The following CSNK1G1 variants were observed in gnomAD, a reference collection of about 807,000 sequenced individuals.
CSNK1G1 encodes casein kinase 1 gamma 1, also known as casein kinase I isoform gamma-1.
Under a neutral mutation model 59.6 loss-of-function variants are expected in CSNK1G1, and 22 were observed. That is an observed-to-expected ratio of 0.37 (90% CI 0.26 to 0.53). CSNK1G1 has a LOEUF of 0.53. Ranked by LOEUF, CSNK1G1 falls within the 20% of genes least tolerant of loss-of-function variation. The pLI is 0.89. For synonymous variants in CSNK1G1, 179 were observed against 177.1 expected, an observed-to-expected ratio of 1.01 and a Z score of -0.08; for missense variants, 384 against 519.5, an observed-to-expected ratio of 0.74 and a Z score of 2.54.
rs746407650 is a variant in CSNK1G1 at position 64,180,411 on chromosome 15, G to A, written c.1151C>T (p.Thr384Met). The change falls in exon 11 of 12, where the codon ACG (threonine) becomes ATG (methionine). Residue 384 changes from threonine to methionine, a missense_variant. Physicochemically the swap from Thr to Met is moderately conservative, Grantham distance 81. Transcript: ENST00000303052. ...GATTGGTGCATTGGAGTGGGCTCCC[G>A]TGGGATCATCAACATTCAGCTCTCC... is the stretch of plus-strand genomic sequence containing the variant. ...TNGELNVDDPTGAHSNAPITA... is the reference protein window; with the variant it reads ...TNGELNVDDPMGAHSNAPITA... 21 of 1,613,986 alleles carry A rather than the reference G, an allele frequency of 1.3e-5. No homozygotes were observed. The highest frequency in any genetic ancestry group is 1.6e-4 in the Middle Eastern group (1 of 6,084).
chr15:64,294,018 A>G (rs1333121051), intron 2 of CSNK1G1, among the ~76,000 whole-genome samples: 3 of 152,224 alleles, frequency 2.0e-5, no homozygotes, highest in Admixed American at 6.5e-5. Flanking sequence ...AATATTTAAA[A>G]TTGATGAGAT....
In CSNK1G1 at chr15:64,272,937, C is replaced by G. The variant is rs562781109; in HGVS notation, c.182-13696G>C. Among the ~76,000 whole-genome samples, 5 of 152,242 alleles carry G rather than the reference C, an allele frequency of 3.3e-5. No individual in the cohort carries two copies. In the East Asian group the frequency reaches 7.7e-4, roughly 24 times the overall value. Reference sequence around the variant, plus strand: ...CAGGCTGGTCTCAAACTCCTGTGCTCAAGAGATCCACCCACCTCGGCTTCC... The same window carrying G: ...CAGGCTGGTCTCAAACTCCTGTGCTGAAGAGATCCACCCACCTCGGCTTCC... On this transcript the variant is annotated intron_variant, in intron 2 of 11. Coordinates refer to ENST00000303052, the MANE Select transcript of CSNK1G1 (RefSeq NM_022048.5).
intron 1 of CSNK1G1, among the ~76,000 whole-genome samples, chr15:64,313,456 T>C (rs1465225692): frequency 5.3e-5 from 8 of 152,156 alleles, no homozygotes; most frequent in African/African-American, 1.9e-4. Flanking sequence ...TGCAGGGACA[T>C]GGATGAAGCT....
chr15:64,320,477 A>C (rs930036258), intron 1 of CSNK1G1, among the ~76,000 whole-genome samples: 1 of 151,936 alleles, frequency 6.6e-6, no homozygotes, highest in African/African-American at 2.4e-5. Flanking sequence ...TCAGGAGTTC[A>C]AGACCAGCCT....
At chr15:64,347,272 G>A (rs1473007962) in intron 1 of CSNK1G1, among the ~76,000 whole-genome samples, 1 of 152,134 alleles carries the variant, frequency 6.6e-6, no homozygotes, top group African/African-American at 2.4e-5. Flanking sequence ...CTTATCATAA[G>A]ATCCAGCAAT....
At chr15:64,183,847 T>C (rs1286647078) in intron 10 of CSNK1G1, among the ~76,000 whole-genome samples, 2 of 151,754 alleles carry the variant, frequency 1.3e-5, no homozygotes, top group Non-Finnish European at 2.9e-5. Flanking sequence ...GCGATTCTCC[T>C]GCCTCAGCCT....
At chr15:64,322,361 T>C (rs1432626167) in intron 1 of CSNK1G1, among the ~76,000 whole-genome samples, 1 of 151,998 alleles carries the variant, frequency 6.6e-6, no homozygotes, top group Non-Finnish European at 1.5e-5. Context: ...CTTTTTTTTT[T>C]AAATACAGAC....
At chr15:64,348,895 G>A (rs1898121156) in intron 1 of CSNK1G1, among the ~76,000 whole-genome samples, 1 of 152,116 alleles carries the variant, frequency 6.6e-6, no homozygotes. Context: ...ACTTTGGGAG[G>A]CTGAGGAGGG....
At chr15:64,277,620 AT>A (rs962017212) in intron 2 of CSNK1G1, among the ~76,000 whole-genome samples, 1 of 137,772 alleles carries the variant, frequency 7.3e-6, no homozygotes, top group Admixed American at 7.4e-5. Context: ...ATATTGGTAT[AT>A]TTAATATATT....
At chr15:64,211,543 T>G (rs2082249378) in intron 6 of CSNK1G1, among the ~76,000 whole-genome samples, 1 of 152,172 alleles carries the variant, frequency 6.6e-6, no homozygotes, top group Admixed American at 6.6e-5. Context: ...AACAGACTGA[T>G]GCACAGTAGA....
intron 2 of CSNK1G1, among the ~76,000 whole-genome samples, chr15:64,279,477 C>T (rs954304688): frequency 3.3e-5 from 5 of 152,064 alleles, no homozygotes; most frequent in Non-Finnish European, 7.4e-5. Context: ...TTTTTCATTA[C>T]TAGATGGTAT....
At chr15:64,337,509 T>G (rs555134850) in intron 1 of CSNK1G1, among the ~76,000 whole-genome samples, 6 of 152,160 alleles carry the variant, frequency 3.9e-5, no homozygotes, top group African/African-American at 1.4e-4. Context: ...CATGCCTATT[T>G]TATTTTTTGT....
chr15:64,221,599 A>G (rs1039819375), intron 4 of CSNK1G1, among the ~76,000 whole-genome samples: 1 of 151,708 alleles, frequency 6.6e-6, no homozygotes. Context: ...CCGAGATACC[A>G]GTGTAGAAAA....
chr15:64,286,113 T>C (rs980314381), intron 2 of CSNK1G1, among the ~76,000 whole-genome samples: 1 of 152,170 alleles, frequency 6.6e-6, no homozygotes, highest in Non-Finnish European at 1.5e-5. Flanking sequence ...TTTGAGAATG[T>C]TCTTTCACGT....
At position 64,176,291 on chromosome 15, in the gene CSNK1G1, G is replaced by A. The variant is rs2081740366; in HGVS notation, c.1214+4057C>T. 5.1e-6 allele frequency: 2 copies of A among 395,146 alleles called. No homozygotes were observed. The highest frequency in any genetic ancestry group is 6.4e-4 in the Middle Eastern group (1 of 1,572). The allele number at this position is 395,146 out of a possible 1,614,324, so 24.5% of individuals were successfully genotyped here. A position where few individuals can be genotyped will look rare whatever the true frequency, so the allele number is the denominator to read the frequency against. On this transcript the variant is annotated intron_variant, in intron 11 of 11. Coordinates refer to ENST00000303052, the MANE Select transcript of CSNK1G1 (RefSeq NM_022048.5). The surrounding 1 kb of genome is among the most constrained non-coding windows in gnomAD (Gnocchi z 5.2). ...GGTTGAGCATTTTCAGGCAGCTACA[G>A]AGTATATAAAGAGAAAAACACAGAA...
At chr15:64,296,445 G>C (rs140209404) in intron 2 of CSNK1G1, among the ~76,000 whole-genome samples, 118 of 152,216 alleles carry the variant, frequency 7.8e-4, no homozygotes, top group African/African-American at 2.6e-3. Flanking sequence ...TTATCACTTT[G>C]TATTGCAATT....
At chr15:64,342,875 G>A (rs1897747601) in intron 1 of CSNK1G1, among the ~76,000 whole-genome samples, 1 of 152,072 alleles carries the variant, frequency 6.6e-6, no homozygotes, top group South Asian at 2.1e-4. Context: ...CAGATTGCTG[G>A]ACCCCAGTCT....
chr15:64,236,142 C>CAAAAAAAAAAAAAAAAAAAAAAAA (rs532663571), intron 4 of CSNK1G1, among the ~76,000 whole-genome samples: 1 of 68,032 alleles, frequency 1.5e-5, no homozygotes, highest in African/African-American at 4.3e-5. Context: ...GACTCCATCT[C>CAAAAAAAAAAAAAAAAAAAAAAAA]AAAAAAAAAA....
chr15:64,331,852 A>C (rs1897126759), intron 1 of CSNK1G1, among the ~76,000 whole-genome samples: 1 of 149,170 alleles, frequency 6.7e-6, no homozygotes, highest in Admixed American at 6.7e-5. Flanking sequence ...CCCCATCAAA[A>C]AGTGGGCGAA....
Sources: allele counts gnomAD v4.1 joint callset (sites outside exome capture counted in the v4.1 genomes callset), GRCh38; gene constraint gnomAD v4.1.1; non-coding constraint Gnocchi (gnomAD v3.1); transcripts MANE v1.5; gene names NCBI Gene and HGNC (gene_info 2026-07-23, HGNC 2026-07-21).